SGCD: variants seen among roughly 807,000 people sequenced by gnomAD.
The protein encoded by SGCD is sarcoglycan delta.
SGCD carries 18 observed loss-of-function variants against 36.6 expected under a neutral mutation model. The ratio of observed to expected loss-of-function variants is 0.49; its 90% CI spans 0.34 to 0.73. SGCD has a LOEUF of 0.73. Among genes scored for constraint, SGCD ranks in the 30% least tolerant of loss-of-function variants. The probability of loss-of-function intolerance (pLI) is 0.01; values close to 1 mark genes in which losing one functional copy is unlikely to be tolerated. For synonymous variants in SGCD, 133 were observed against 130.6 expected (o/e 1.02, Z -0.12); for missense variants, 387 against 346.7 (o/e 1.12, Z -0.92).
At chr5:156,043,418 C>T (rs921848337) in intron 1 of SGCD, among the ~76,000 whole-genome samples, 2 of 152,136 alleles carry the variant, frequency 1.3e-5, no homozygotes, top group Non-Finnish European at 2.9e-5. Flanking sequence ...TATCCTCTTG[C>T]ATCTCCAGCA....
intron 7 of SGCD, among the ~76,000 whole-genome samples, chr5:156,682,558 G>A (rs1186408357): frequency 6.6e-6 from 1 of 152,202 alleles, no homozygotes; most frequent in Non-Finnish European, 1.5e-5. Context: ...CGAAAAGGCA[G>A]TATACTTCAG....
Position 156,587,191 on chromosome 5 carries a change from G to C in SGCD, c.295-2040G>C, listed in dbSNP as rs539568783. Among the ~76,000 whole-genome samples, 11 of 152,248 alleles carry C rather than the reference G, an allele frequency of 7.2e-5. No homozygotes were observed. The South Asian group carries it at 2.1e-3, about 29-fold the overall frequency. On this transcript the variant is annotated intron_variant, in intron 4 of 8. Transcript: ENST00000337851. ...CTGTGACCAGCCTGCCCTTTTGTTA[G>C]GAGGAAAGGTGAAAATAAGCCAAGT...
At chr5:156,174,695 G>A (rs1763424591) in intron 3 of SGCD, among the ~76,000 whole-genome samples, 1 of 151,980 alleles carries the variant, frequency 6.6e-6, no homozygotes, top group African/African-American at 2.4e-5. Context: ...AATGAGAATG[G>A]GAGGAGCAAG....
intron 6 of SGCD, among the ~76,000 whole-genome samples, chr5:156,608,306 G>C (rs1291603333): frequency 2.6e-5 from 4 of 152,332 alleles, no homozygotes; most frequent in African/African-American, 9.6e-5. Flanking sequence ...TATGTACCCA[G>C]TAGTCATTCA....
At chr5:156,003,340 G>T (rs1350565574) in intron 1 of SGCD, among the ~76,000 whole-genome samples, 1 of 152,196 alleles carries the variant, frequency 6.6e-6, no homozygotes, top group South Asian at 2.1e-4. Context: ...AGCTAGATAG[G>T]TGTTTATTGA....
chr5:155,818,839 G>A, the SGCD span, among the ~76,000 whole-genome samples: 2 of 152,142 alleles, frequency 1.3e-5, no homozygotes, highest in Non-Finnish European at 2.9e-5. Flanking sequence ...AGATACTTAC[G>A]GAGAGTGACA....
At chr5:155,946,548 G>A (rs1279245660) in intron 1 of SGCD, among the ~76,000 whole-genome samples, 1 of 152,104 alleles carries the variant, frequency 6.6e-6, no homozygotes, top group Non-Finnish European at 1.5e-5. Context: ...AAATAGGGTT[G>A]TGCTGTCCCC....
At chr5:156,496,959 C>T (rs1756220466) in intron 3 of SGCD, among the ~76,000 whole-genome samples, 2 of 152,132 alleles carry the variant, frequency 1.3e-5, no homozygotes, top group South Asian at 4.1e-4. Context: ...CTTCTTTTGA[C>T]TGAGCAGCAT....
chr5:155,936,428 C>T (rs914840123), intron 1 of SGCD, among the ~76,000 whole-genome samples: 3 of 152,166 alleles, frequency 2.0e-5, no homozygotes, highest in Admixed American at 6.5e-5. Flanking sequence ...AGAGCAGACG[C>T]TGGGGTGGGT....
At chr5:156,680,223 C>G (rs1753669135) in intron 7 of SGCD, among the ~76,000 whole-genome samples, 1 of 152,040 alleles carries the variant, frequency 6.6e-6, no homozygotes, top group African/African-American at 2.4e-5. Context: ...AGTGACCTGC[C>G]TCAAGTCACA....
intron 3 of SGCD, among the ~76,000 whole-genome samples, chr5:156,389,323 A>G (rs536750206): frequency 1.5e-4 from 23 of 152,332 alleles, no homozygotes; most frequent in Non-Finnish European, 2.9e-4. Context: ...TAGGGAAGCC[A>G]TTCATATATC....
At chr5:156,691,019 C>T (rs571305596) in intron 7 of SGCD, among the ~76,000 whole-genome samples, 88 of 151,788 alleles carry the variant, frequency 5.8e-4, no homozygotes, top group African/African-American at 2.1e-3. Context: ...CCAACCTGGC[C>T]AACATGGTGA....
intron 4 of SGCD, among the ~76,000 whole-genome samples, chr5:156,586,112 C>G (rs146369284): frequency 6.6e-6 from 1 of 151,362 alleles, no homozygotes; most frequent in Non-Finnish European, 1.5e-5. Context: ...GATTGTATCC[C>G]GGAAACCACC....
intron 1 of SGCD, among the ~76,000 whole-genome samples, chr5:156,048,380 T>C (rs1759826896): frequency 6.6e-6 from 1 of 152,180 alleles, no homozygotes; most frequent in Non-Finnish European, 1.5e-5. Context: ...TAGTTCTAGA[T>C]CCCTGAGGAA....
intron 3 of SGCD, among the ~76,000 whole-genome samples, chr5:156,191,367 A>C (rs1318669490): frequency 6.6e-6 from 1 of 152,156 alleles, no homozygotes. Flanking sequence ...TATTGATATC[A>C]GACTCAAAAA....
At chr5:156,369,765 T>C (rs1352900058) in intron 3 of SGCD, among the ~76,000 whole-genome samples, 2 of 152,194 alleles carry the variant, frequency 1.3e-5, no homozygotes, top group African/African-American at 2.4e-5. Flanking sequence ...ATTTTTTTAA[T>C]AGACATTGGG....
chr5:156,518,021 G>GC (rs1757254230), intron 4 of SGCD, among the ~76,000 whole-genome samples: 3 of 152,080 alleles, frequency 2.0e-5, no homozygotes, highest in Non-Finnish European at 2.9e-5. Flanking sequence ...TGGGCTAATT[G>GC]CCCCAATTAA....
intron 1 of SGCD, among the ~76,000 whole-genome samples, chr5:155,995,356 A>G (rs1334088814): frequency 6.6e-6 from 1 of 152,234 alleles, no homozygotes; most frequent in African/African-American, 2.4e-5. Context: ...TAGATATAAA[A>G]TATATAACAA....
At chr5:156,572,366 CAGTGT>C (rs1211007218) in intron 4 of SGCD, among the ~76,000 whole-genome samples, 2 of 152,166 alleles carry the variant, frequency 1.3e-5, no homozygotes, top group Admixed American at 1.3e-4. Context: ...TTCCCACCAG[CAGTGT>C]ATGAGGGTTC....
Sources: gnomAD v4.1 joint callset for allele counts (sites outside exome capture counted in the v4.1 genomes callset) on GRCh38, gnomAD v4.1.1 for gene constraint, MANE v1.5 for transcripts, NCBI Gene and HGNC (gene_info 2026-07-23, HGNC 2026-07-21) for gene names.